The following PHF7 variants were observed in gnomAD, a reference collection of about 807,000 sequenced individuals.
PHF7 encodes PHD finger protein 7.
PHF7 carries 24 observed loss-of-function variants against 47.5 expected under a neutral mutation model. The ratio of observed to expected loss-of-function variants is 0.51; its 90% CI spans 0.37 to 0.71. The LOEUF (loss-of-function observed/expected upper bound fraction) is 0.71. Among genes scored for constraint, PHF7 ranks in the 30% least tolerant of loss-of-function variants. PHF7 has a pLI of 0.00. For missense variants in PHF7, 361 were observed against 456.8 expected (o/e 0.79, Z 1.91); for synonymous variants, 156 against 153.8 (o/e 1.01, Z -0.11).
rs540243995 is a variant in PHF7, at chr3:52,413,908, C to A, written c.42-88C>A. Reference sequence around the variant, plus strand: ...TAGATATGTTGGTCCTTCATCAGACCCATGAATGGCATTTTAAGAGAAATG... The same window carrying A: ...TAGATATGTTGGTCCTTCATCAGACACATGAATGGCATTTTAAGAGAAATG... On this transcript the variant is annotated intron_variant, in intron 2 of 10. Coordinates refer to ENST00000327906, the MANE Select transcript of PHF7 (RefSeq NM_016483.7). 6.8e-5 allele frequency: 58 copies of A among 849,562 alleles called. No individual in the cohort carries two copies. In the South Asian group the frequency reaches 7.7e-4, roughly 11 times the overall value. 52.6% of individuals were successfully genotyped at this position (849,562 alleles called of 1,614,324 possible). A position where few individuals can be genotyped will look rare whatever the true frequency, so the allele number is the denominator to read the frequency against.
Position 52,419,882 on chromosome 3 carries a change from A to G in PHF7, c.236A>G (p.His79Arg). ...AGGGGCCAGTCCAACAGAGGCTTCC[A>G]TGGATTTCTGCCTGAAGACATCAAA... ...PQRGQSNRGF[H>R]GFLPEDIKKE... The change falls in exon 5 of 11, where the codon CAT (histidine) becomes CGT (arginine). Residue 79 changes from histidine to arginine, a missense_variant. Physicochemically the swap from His to Arg is conservative, Grantham distance 29. Transcript: ENST00000327906. 3 of 1,610,936 alleles carry G rather than the reference A, an allele frequency of 1.9e-6. No individual in the cohort carries two copies. The highest frequency in any genetic ancestry group is 1.1e-5 in the South Asian group (1 of 90,316).
chr3:52,422,609 A>T (rs911487011), intron 9 of PHF7, 151 bp from the exon 10 acceptor site: 4 of 821,862 alleles, frequency 4.9e-6, no homozygotes, highest in Non-Finnish European at 8.1e-6. Flanking sequence ...GACTGATGGC[A>T]GGCTTCTGGG....
At chr3:52,421,527 C>T (rs2090385431) in intron 7 of PHF7, 121 bp from the exon 8 acceptor site, 10 of 696,042 alleles carry the variant, frequency 1.4e-5, no homozygotes, top group Non-Finnish European at 2.6e-5. Flanking sequence ...ACCCAAACTC[C>T]TTTTCCTGTA....
At chr3:52,422,936 G>A (rs1705838439) in intron 10 of PHF7, 55 bp downstream of exon 10, 2 of 1,609,282 alleles carry the variant, frequency 1.2e-6, no homozygotes, top group Non-Finnish European at 1.7e-6. Context: ...GTAGGGACTT[G>A]TGGTGCCTGG....
rs760659924 is a variant in PHF7, at chr3:52,422,784, T to C, written c.822T>C (p.Ala274=). The change falls in exon 10 of 11, where the codon GCT becomes GCC. Residue 274 remains alanine (A), a synonymous_variant. Coordinates refer to ENST00000327906, the MANE Select transcript of PHF7 (RefSeq NM_016483.7). The part of the protein sequence containing the change: ...DEGRWCLILC[A]TCGSHGTHRD... The stretch of plus-strand genomic sequence containing the variant: ...GGAGGTGGTGCCTCATTCTGTGTGC[T>C]ACATGCGGATCCCACGGAACCCACA... The C allele has an allele frequency of 6.2e-6, 10 of 1,614,040 alleles. No individual in the cohort carries two copies. Among genetic ancestry groups the C allele is most frequent in the Non-Finnish European group, 8.5e-6 (10 of 1,180,000 alleles).
chr3:52,422,114 AC>A, intron 8 of PHF7, 107 bp from the exon 9 acceptor site: 1 of 793,700 alleles, frequency 1.3e-6, no homozygotes, highest in Admixed American at 1.7e-5. Flanking sequence ...CAGGCAGCCT[AC>A]TGAACTCTTG....
chr3:52,412,777 T>C, intron 1 of PHF7, 34 bp from the exon 2 acceptor site: 6 of 952,750 alleles, frequency 6.3e-6, no homozygotes, highest in Non-Finnish European at 9.8e-6. Flanking sequence ...AATACAGAAT[T>C]AAATTGCTTA....
chr3:52,422,652 A>G, intron 9 of PHF7, 108 bp from the exon 10 acceptor site: 1 of 1,169,444 alleles, frequency 8.6e-7, no homozygotes, highest in Non-Finnish European at 1.3e-6. Context: ...CCATACATTC[A>G]TCTTGGGTAA....
At chr3:52,415,629 T>C (rs1705600089) in intron 4 of PHF7, among the ~76,000 whole-genome samples, 1 of 152,264 alleles carries the variant, frequency 6.6e-6, no homozygotes. Flanking sequence ...AGTGAAATCA[T>C]ATAGTTTATA....
In PHF7 at chr3:52,413,786, G is replaced by A. The variant is rs776484053; in HGVS notation, c.42-210G>A. On this transcript the variant is annotated intron_variant, in intron 2 of 10. Coordinates refer to ENST00000327906, the MANE Select transcript of PHF7 (RefSeq NM_016483.7). Reference sequence around the variant, plus strand: ...GGAGGCAGAGGTTGCAGTAAGCTGAGATCGCACCACTGCCCTCCAGCCTGG... The same window carrying A: ...GGAGGCAGAGGTTGCAGTAAGCTGAAATCGCACCACTGCCCTCCAGCCTGG... Among the ~76,000 whole-genome samples, 102 of 152,344 alleles carry A rather than the reference G, an allele frequency of 6.7e-4. 1 individual carries two copies. The highest frequency in any genetic ancestry group is 1.8e-4 in the Non-Finnish European group (12 of 68,038).
rs1171916239 is a variant in PHF7, at chr3:52,412,696, C to T, written c.-69-115C>T. 6.6e-6 allele frequency: 4 copies of T among 606,910 alleles called. No individual in the cohort carries two copies. In the Admixed American group the frequency reaches 8.7e-5, roughly 13 times the overall value. 37.6% of individuals were successfully genotyped at this position (606,910 alleles called of 1,614,324 possible). On this transcript the variant is annotated intron_variant, in intron 1 of 10. Transcript: ENST00000327906. ...CACATGTCAAGTACCTAGAACAGTCCCTTTTATTCCATCACATGGGTTGGG... is the reference window on the plus strand; with the variant it reads ...CACATGTCAAGTACCTAGAACAGTCTCTTTTATTCCATCACATGGGTTGGG...
intron 4 of PHF7, among the ~76,000 whole-genome samples, chr3:52,416,477 C>T (rs1341433930): frequency 4.0e-5 from 6 of 151,300 alleles, no homozygotes; most frequent in African/African-American, 1.5e-4. Flanking sequence ...AGCCACCGCG[C>T]CTGGCCCGGC....
intron 1 of PHF7, among the ~76,000 whole-genome samples, chr3:52,412,582 A>G (rs995075290): frequency 6.6e-5 from 10 of 152,374 alleles, no homozygotes; most frequent in Middle Eastern, 3.4e-3. Context: ...TACCTTGGGC[A>G]GGATACTTAA....
chr3:52,421,602 C>G, intron 7 of PHF7, 46 bp from the exon 8 acceptor site: 1 of 1,097,644 alleles, frequency 9.1e-7, no homozygotes, highest in Non-Finnish European at 1.4e-6. Context: ...AGAAGGTAGT[C>G]AAAGGGTTTT....
At chr3:52,413,049 T>C in intron 2 of PHF7, 129 bp downstream of exon 2, 2 of 720,296 alleles carry the variant, frequency 2.8e-6, no homozygotes, top group Non-Finnish European at 4.9e-6. Context: ...CACACGGAGC[T>C]GGGAGCTGTC....
At position 52,420,943 on chromosome 3, in the gene PHF7, C is replaced by A; in HGVS notation, c.454C>A (p.His152Asn). 6.2e-7 allele frequency: 1 copy of A among 1,613,334 alleles called. No individual in the cohort carries two copies. The highest frequency in any genetic ancestry group is 8.5e-7 in the Non-Finnish European group (1 of 1,179,528). The change falls in exon 7 of 11, where the codon CAT becomes AAT. Residue 152 changes from histidine (H) to asparagine (N), a missense_variant. His to Asn is a moderately conservative substitution (Grantham distance 68). Coordinates refer to ENST00000327906, the MANE Select transcript of PHF7 (RefSeq NM_016483.7). ...DKHRPTQNIQ[H>N]GHVGEESCIL... ...ACATCGCCCAACACAGAACATCCAA[C>A]ATGGGCATGTGGGGGAGGAAAGCTG...
chr3:52,422,625 C>T (rs1705825382), intron 9 of PHF7, 135 bp from the exon 10 acceptor site: 1 of 921,942 alleles, frequency 1.1e-6, no homozygotes, highest in Non-Finnish European at 1.8e-6. Context: ...CTGGGATCAG[C>T]ACTCATCCTC....
chr3:52,420,074 A>G (rs1056979668), intron 5 of PHF7, 140 bp downstream of exon 5: 4 of 727,860 alleles, frequency 5.5e-6, no homozygotes, highest in Admixed American at 2.3e-5. Flanking sequence ...CTTAAGTCCC[A>G]TATTCCTCTG....
At position 52,422,780 on chromosome 3, in the gene PHF7, G is replaced by A; in HGVS notation, c.818G>A (p.Cys273Tyr). ...EDEGRWCLIL[C>Y]ATCGSHGTHR... is the part of the protein sequence containing the mutation. The stretch of plus-strand genomic sequence containing the variant: ...TCTAGGAGGTGGTGCCTCATTCTGT[G>A]TGCTACATGCGGATCCCACGGAACC... The change falls in exon 10 of 11, where the codon TGT (cysteine) becomes TAT (tyrosine). Residue 273 changes from cysteine (C) to tyrosine (Y), a missense_variant. Transcript: ENST00000327906. The A allele has an allele frequency of 6.2e-7, 1 of 1,614,134 alleles. No individual in the cohort carries two copies. The highest frequency in any genetic ancestry group is 8.5e-7 in the Non-Finnish European group (1 of 1,180,004).
Sources: allele counts gnomAD v4.1 joint callset (sites outside exome capture counted in the v4.1 genomes callset), GRCh38; gene constraint gnomAD v4.1.1; transcripts MANE v1.5; gene names NCBI Gene and HGNC (gene_info 2026-07-23, HGNC 2026-07-21).